The following EGFL8 variants were observed in gnomAD, a reference collection of about 807,000 sequenced individuals.
EGFL8 encodes the protein EGF like domain multiple 8, also known as epidermal growth factor-like protein 8.
In EGFL8, 32 loss-of-function variants were observed where a neutral mutation model predicts 39.4. The observed-to-expected ratio is 0.81, with a 90% CI of 0.61 to 1.09. The LOEUF (loss-of-function observed/expected upper bound fraction) is 1.09. Ranked by LOEUF, EGFL8 falls within the 50% of genes least tolerant of loss-of-function variation. The pLI, the probability that EGFL8 is intolerant of heterozygous loss-of-function variation, is 0.00. For synonymous variants in EGFL8, 177 were observed against 168.5 expected (o/e 1.05, Z -0.39); for missense variants, 385 against 402.2 (o/e 0.96, Z 0.37).
rs1784636324 is a variant in EGFL8 at position 32,167,488 on chromosome 6, T to G, written c.682-15T>G. The G allele has an allele frequency of 6.2e-7, 1 of 1,609,298 alleles. No individual in the cohort carries two copies. Among genetic ancestry groups the G allele is most frequent in the Non-Finnish European group, 8.5e-7 (1 of 1,179,460 alleles). Reference sequence around the variant, plus strand: ...ACGTCACTGTCAATACCCTGAGGCATCTCTTCCTTTCTAGTGGGCCGGTCA... The same window carrying G: ...ACGTCACTGTCAATACCCTGAGGCAGCTCTTCCTTTCTAGTGGGCCGGTCA... On this transcript the variant is annotated splice_polypyrimidine_tract_variant and intron_variant, in intron 7 of 8. Transcript: ENST00000333845. The surrounding 1 kb of genome is among the most constrained non-coding windows in gnomAD (Gnocchi z 6.4).
rs1365818006 is a variant in EGFL8, at chr6:32,166,483, C to G, written c.102-15C>G. Reference sequence around the variant, plus strand: ...TACTCAATCTCTCCCACCTCATCCTCTGGCATGGACGCAGTCAGGGAGTCT... The same window carrying G: ...TACTCAATCTCTCCCACCTCATCCTGTGGCATGGACGCAGTCAGGGAGTCT... On this transcript the variant is annotated splice_polypyrimidine_tract_variant and intron_variant, in intron 2 of 8. Transcript: ENST00000333845. The surrounding 1 kb of genome is among the most constrained non-coding windows in gnomAD (Gnocchi z 7.3). 6.2e-7 allele frequency: 1 copy of G among 1,613,286 alleles called. No individual in the cohort carries two copies. The highest frequency in any genetic ancestry group is 1.3e-5 in the African/African-American group (1 of 74,938).
chr6:32,167,900 C>T lies in EGFL8; in HGVS notation c.836-10C>T, dbSNP rs1784687404. 1.9e-6 allele frequency: 3 copies of T among 1,614,016 alleles called. No homozygotes were observed. Among genetic ancestry groups the T allele is most frequent in the Non-Finnish European group, 2.5e-6 (3 of 1,179,974 alleles). ...ACCACAGCCACTGTGTCTGCCATGT[C>T]ATTAACCAGGCTCCTGTGAGGACAA... On this transcript the variant is annotated splice_polypyrimidine_tract_variant and intron_variant, in intron 8 of 8. Coordinates refer to ENST00000333845, the MANE Select transcript of EGFL8 (RefSeq NM_030652.4). The surrounding 1 kb of genome is among the most constrained non-coding windows in gnomAD (Gnocchi z 6.4).
rs748795876 is a variant in EGFL8, at chr6:32,166,918, G to A, written c.343G>A (p.Ala115Thr). ...PGALTCEAIC[A>T]KPCLNGGVCV... The stretch of plus-strand genomic sequence containing the variant: ...ACTTCCTCTGTCCTCAGCCATCTGC[G>A]CCAAGCCTTGCCTGAACGGAGGCGT... The change falls in exon 5 of 9, where the codon GCC becomes ACC. Residue 115 changes from alanine to threonine, a missense_variant. By Grantham distance (58) the Ala-to-Thr change is moderately conservative (BLOSUM62 0). Coordinates refer to ENST00000333845, the MANE Select transcript of EGFL8 (RefSeq NM_030652.4). This position sits in a 1 kb window ranked among gnomAD's most constrained non-coding sequence, Gnocchi z 7.3. 5 of 1,611,706 alleles carry A rather than the reference G, an allele frequency of 3.1e-6. No homozygotes were observed. The highest frequency in any genetic ancestry group is 4.2e-6 in the Non-Finnish European group (5 of 1,178,574).
In EGFL8 at chr6:32,168,075, A is replaced by G; in HGVS notation, c.*119A>G. The G allele has an allele frequency of 9.2e-7, 1 of 1,081,160 alleles. No homozygotes were observed. The highest frequency in any genetic ancestry group is 1.4e-6 in the Non-Finnish European group (1 of 712,844). The allele number at this position is 1,081,160 out of a possible 1,614,324, so 67.0% of individuals were successfully genotyped here. On this transcript the variant is annotated 3_prime_UTR_variant, in exon 9 of 9. Transcript: ENST00000333845. The surrounding 1 kb of genome is among the most constrained non-coding windows in gnomAD (Gnocchi z 4.5). ...ATCAGCCACCAAAGAGCAATGAACAATGGAAACTTCAGAGAGCTGAAGAAA... is the reference window on the plus strand; with the variant it reads ...ATCAGCCACCAAAGAGCAATGAACAGTGGAAACTTCAGAGAGCTGAAGAAA...
rs1341086685 is a variant in EGFL8 at position 32,167,000 on chromosome 6, A to T, written c.425A>T (p.His142Leu). 9 of 1,612,942 alleles carry T rather than the reference A, an allele frequency of 5.6e-6. No homozygotes were observed. Among genetic ancestry groups the T allele is most frequent in the African/African-American group, 1.3e-5 (1 of 74,944 alleles). ...CAPGWGGKHC[H>L]VDVDECRTSI... ...CCCGGCTGGGGAGGGAAGCACTGTC[A>T]TGTGGGTGAGTCAGCTTGTCCTCCC... The change falls in exon 5 of 9, where the codon CAT (histidine) becomes CTT (leucine). Residue 142 changes from histidine (H) to leucine (L), a missense_variant. By Grantham distance (99) the His-to-Leu change is moderately conservative (BLOSUM62 -3). Coordinates refer to ENST00000333845, the MANE Select transcript of EGFL8 (RefSeq NM_030652.4). The surrounding 1 kb of genome is among the most constrained non-coding windows in gnomAD (Gnocchi z 7.3).
rs747995881 is a variant in EGFL8 at position 32,167,370 on chromosome 6, GAGCGCGCTCTGA to G, written c.626_637del (p.Arg209_Lys212del). ...CCTAGTTCGGGAGGCGGAAAAAGAT[GAGCGCGCTCTGA>G]AGCAGGAGATTCACGAGCTGCGAGG... On this transcript the variant is annotated inframe_deletion, in exon 7 of 9. Coordinates refer to ENST00000333845, the MANE Select transcript of EGFL8 (RefSeq NM_030652.4). The surrounding 1 kb of genome is among the most constrained non-coding windows in gnomAD (Gnocchi z 6.4). 28 of 1,613,080 alleles carry G rather than the reference GAGCGCGCTCTGA, an allele frequency of 1.7e-5. No homozygotes were observed. Among genetic ancestry groups the G allele is most frequent in the Non-Finnish European group, 2.4e-5 (28 of 1,180,022 alleles).
Position 32,167,706 on chromosome 6 carries a change from C to CA in EGFL8, c.835+52dup. The CA allele has an allele frequency of 6.4e-7, 1 of 1,569,414 alleles. No individual in the cohort carries two copies. The highest frequency in any genetic ancestry group is 8.7e-7 in the Non-Finnish European group (1 of 1,155,862). ...TTGACTTCTATTCCCCAACTTTCCC[C>CA]AAGACCCCTCTCCATTCAGGCATTC... On this transcript the variant is annotated intron_variant, in intron 8 of 8. Coordinates refer to ENST00000333845, the MANE Select transcript of EGFL8 (RefSeq NM_030652.4). The surrounding 1 kb of genome is among the most constrained non-coding windows in gnomAD (Gnocchi z 6.4).
intron 1 of EGFL8, among the ~76,000 whole-genome samples, chr6:32,165,065 C>T (rs999659592): frequency 6.6e-6 from 1 of 151,916 alleles, no homozygotes; most frequent in African/African-American, 2.4e-5. Flanking sequence ...GCGTCCACCA[C>T]TGCGCCTGGC....
chr6:32,166,348 CAT>C lies in EGFL8; in HGVS notation c.101+84_101+85del. The C allele has an allele frequency of 6.3e-7, 1 of 1,593,518 alleles. No homozygotes were observed. The highest frequency in any genetic ancestry group is 8.6e-7 in the Non-Finnish European group (1 of 1,163,498). Reference sequence around the variant, plus strand: ...GGGTGGGGCTTCACAGGAGGCAAAACATAACTGTAAGTTTAGAATGGGGGTGA... The same window carrying C: ...GGGTGGGGCTTCACAGGAGGCAAAACAACTGTAAGTTTAGAATGGGGGTGA... On this transcript the variant is annotated intron_variant, in intron 2 of 8. Coordinates refer to ENST00000333845, the MANE Select transcript of EGFL8 (RefSeq NM_030652.4). The surrounding 1 kb of genome is among the most constrained non-coding windows in gnomAD (Gnocchi z 7.3).
Position 32,167,419 on chromosome 6 carries a change from G to T in EGFL8, c.671G>T (p.Arg224Leu), listed in dbSNP as rs141955959. 84 of 1,612,896 alleles carry T rather than the reference G, an allele frequency of 5.2e-5. No individual in the cohort carries two copies. The African/African-American group carries it at 9.7e-4, about 19-fold the overall frequency. ...CACGAGCTGCGAGGGCGCCTGGAGC[G>T]GCTGGAGCAGGTGAGCCAAGCCTGC... ...EIHELRGRLE[R>L]LEQWAGQAGA... The change falls in exon 7 of 9, where the codon CGG becomes CTG. Residue 224 changes from arginine to leucine, a missense_variant. By Grantham distance (102) the Arg-to-Leu change is moderately radical. Transcript: ENST00000333845. This position sits in a 1 kb window ranked among gnomAD's most constrained non-coding sequence, Gnocchi z 6.4.
In EGFL8 at chr6:32,166,230, C is replaced by T. The variant is rs1265535997; in HGVS notation, c.65C>T (p.Pro22Leu). ...TTCTCCTTCCTCCTGCTACTGATAC[C>T]AGGCGAGGGGGCCAAGGGTGGATCC... ...GGFSFLLLLIPGEGAKGGSLR... is the reference protein window; with the variant it reads ...GGFSFLLLLILGEGAKGGSLR... The change falls in exon 2 of 9, where the codon CCA becomes CTA. Residue 22 changes from proline (P) to leucine (L), a missense_variant. Coordinates refer to ENST00000333845, the MANE Select transcript of EGFL8 (RefSeq NM_030652.4). This position sits in a 1 kb window ranked among gnomAD's most constrained non-coding sequence, Gnocchi z 7.3. 1.2e-6 allele frequency: 2 copies of T among 1,614,036 alleles called. No homozygotes were observed. Among genetic ancestry groups the T allele is most frequent in the African/African-American group, 1.3e-5 (1 of 74,986 alleles).
In EGFL8 at chr6:32,166,229, C is replaced by A. The variant is rs774331753; in HGVS notation, c.64C>A (p.Pro22Thr). 2.5e-6 allele frequency: 4 copies of A among 1,614,058 alleles called. No individual in the cohort carries two copies. In the South Asian group the frequency reaches 3.3e-5, roughly 13 times the overall value. The change falls in exon 2 of 9, where the codon CCA becomes ACA. Residue 22 changes from proline to threonine, a missense_variant. Transcript: ENST00000333845. The surrounding 1 kb of genome is among the most constrained non-coding windows in gnomAD (Gnocchi z 7.3). ...GGFSFLLLLI[P>T]GEGAKGGSLR... ...ATTCTCCTTCCTCCTGCTACTGATA[C>A]CAGGCGAGGGGGCCAAGGGTGGATC... is the stretch of plus-strand genomic sequence containing the variant.
Position 32,166,691 on chromosome 6 carries a change from T to C in EGFL8, c.225-10T>C, listed in dbSNP as rs1413967321. The C allele has an allele frequency of 3.1e-6, 5 of 1,612,878 alleles. No individual in the cohort carries two copies. The highest frequency in any genetic ancestry group is 1.3e-5 in the African/African-American group (1 of 74,896). On this transcript the variant is annotated splice_polypyrimidine_tract_variant and intron_variant, in intron 3 of 8. Coordinates refer to ENST00000333845, the MANE Select transcript of EGFL8 (RefSeq NM_030652.4). This position sits in a 1 kb window ranked among gnomAD's most constrained non-coding sequence, Gnocchi z 7.3. ...GTACTCAGGGTCCTGAGCCGGGCGC[T>C]GTGTTCCAGGACCATGTACCGCGTT...
At position 32,166,190 on chromosome 6, in the gene EGFL8, A is replaced by C; in HGVS notation, c.25A>C (p.Thr9Pro). Residue 9 changes from threonine (T) to proline (P), a missense_variant, in exon 2 of 9, where the codon ACT becomes CCT. Thr to Pro is a conservative substitution (Grantham distance 38). Coordinates refer to ENST00000333845, the MANE Select transcript of EGFL8 (RefSeq NM_030652.4). The surrounding 1 kb of genome is among the most constrained non-coding windows in gnomAD (Gnocchi z 7.3). The stretch of plus-strand genomic sequence containing the variant: ...CATGGGGTCCAGGGCTGAGCTGTGC[A>C]CTCTCTTAGGCGGATTCTCCTTCCT... MGSRAELCTLLGGFSFLLL... is the reference protein window; with the variant it reads MGSRAELCPLLGGFSFLLL... 6.2e-7 allele frequency: 1 copy of C among 1,613,740 alleles called. No individual in the cohort carries two copies. The highest frequency in any genetic ancestry group is 8.5e-7 in the Non-Finnish European group (1 of 1,179,940).
At position 32,166,671 on chromosome 6, in the gene EGFL8, C is replaced by A; in HGVS notation, c.225-30C>A. 6.2e-7 allele frequency: 1 copy of A among 1,614,052 alleles called. No homozygotes were observed. The highest frequency in any genetic ancestry group is 8.5e-7 in the Non-Finnish European group (1 of 1,179,912). ...AAGAACCCCAACTAGGACCCGTACTCAGGGTCCTGAGCCGGGCGCTGTGTT... is the reference window on the plus strand; with the variant it reads ...AAGAACCCCAACTAGGACCCGTACTAAGGGTCCTGAGCCGGGCGCTGTGTT... On this transcript the variant is annotated intron_variant, in intron 3 of 8. Transcript: ENST00000333845. This position sits in a 1 kb window ranked among gnomAD's most constrained non-coding sequence, Gnocchi z 7.3.
chr6:32,166,458 T>C lies in EGFL8; in HGVS notation c.102-40T>C. 1 of 1,612,996 alleles carries C rather than the reference T, an allele frequency of 6.2e-7. No individual in the cohort carries two copies. On this transcript the variant is annotated intron_variant, in intron 2 of 8. Coordinates refer to ENST00000333845, the MANE Select transcript of EGFL8 (RefSeq NM_030652.4). This position sits in a 1 kb window ranked among gnomAD's most constrained non-coding sequence, Gnocchi z 7.3. ...ACTCCTGGCTCCCCAGGGCCTGGCC[T>C]ACTCAATCTCTCCCACCTCATCCTC...
At position 32,167,457 on chromosome 6, in the gene EGFL8, G is replaced by A. The variant is rs1038475079; in HGVS notation, c.681+28G>A. ...GAGCCAAGCCTGCTGGGTGGGGCGAGGCCAGACGTCACTGTCAATACCCTG... is the reference window on the plus strand; with the variant it reads ...GAGCCAAGCCTGCTGGGTGGGGCGAAGCCAGACGTCACTGTCAATACCCTG... On this transcript the variant is annotated intron_variant, in intron 7 of 8. Transcript: ENST00000333845. The surrounding 1 kb of genome is among the most constrained non-coding windows in gnomAD (Gnocchi z 6.4). 2.5e-6 allele frequency: 4 copies of A among 1,611,910 alleles called. No individual in the cohort carries two copies. In the African/African-American group the frequency reaches 5.3e-5, roughly 22 times the overall value.
In EGFL8 at chr6:32,166,827, C is replaced by T. The variant is rs759555973; in HGVS notation, c.334+17C>T. The T allele has an allele frequency of 7.0e-6, 11 of 1,572,264 alleles. No homozygotes were observed. The highest frequency in any genetic ancestry group is 1.7e-4 in the Middle Eastern group (1 of 5,842). ...CCTGTGAAGGTGAGGCTGGGTCTTC[C>T]GGGCCTTGCGGGAGGCGCGCCCCAC... On this transcript the variant is annotated intron_variant, in intron 4 of 8. Coordinates refer to ENST00000333845, the MANE Select transcript of EGFL8 (RefSeq NM_030652.4). The surrounding 1 kb of genome is among the most constrained non-coding windows in gnomAD (Gnocchi z 7.3).
Position 32,166,717 on chromosome 6 carries a change from A to C in EGFL8, c.241A>C (p.Met81Leu), listed in dbSNP as rs764817340. The C allele has an allele frequency of 1.2e-6, 2 of 1,602,562 alleles. No individual in the cohort carries two copies. Among genetic ancestry groups the C allele is most frequent in the Non-Finnish European group, 1.7e-6 (2 of 1,172,518 alleles). Residue 81 changes from methionine (M) to leucine (L), a missense_variant, in exon 4 of 9, where the codon ATG becomes CTG. Transcript: ENST00000333845. The surrounding 1 kb of genome is among the most constrained non-coding windows in gnomAD (Gnocchi z 7.3). ...CSTYRTMYRV[M>L]WREVRREVQQ... ...GTGTTCCAGGACCATGTACCGCGTT[A>C]TGTGGCGGGAGGTGAGGCGGGAGGT...
Sources: allele counts gnomAD v4.1 joint callset (sites outside exome capture counted in the v4.1 genomes callset), GRCh38; gene constraint gnomAD v4.1.1; non-coding constraint Gnocchi (gnomAD v3.1); transcripts MANE v1.5; gene names NCBI Gene and HGNC (gene_info 2026-07-23, HGNC 2026-07-21).